Variants in NCCRP1 observed in about 807,000 individuals in gnomAD.
NCCRP1 encodes the protein F-box only protein 50.
In NCCRP1, 32 loss-of-function variants were observed where a neutral mutation model predicts 34.4. The observed-to-expected ratio is 0.93, with a 90% CI of 0.70 to 1.25. The LOEUF (loss-of-function observed/expected upper bound fraction) is 1.25. NCCRP1 is among the 50% of genes most tolerant of loss of function. The pLI, the probability that NCCRP1 is intolerant of heterozygous loss-of-function variation, is 0.00. For synonymous variants in NCCRP1, 172 were observed against 180.1 expected, an observed-to-expected ratio of 0.95 and a Z score of 0.36; for missense variants, 372 against 391.8, an observed-to-expected ratio of 0.95 and a Z score of 0.43.
rs2074786930 is a variant in NCCRP1, at chr19:39,201,197, C to G, written c.*441C>G. 1 of 170,446 alleles carries G rather than the reference C, an allele frequency of 5.9e-6. No individual in the cohort carries two copies. Among genetic ancestry groups the G allele is most frequent in the African/African-American group, 2.4e-5 (1 of 41,786 alleles). 10.6% of individuals were successfully genotyped at this position (170,446 alleles called of 1,614,324 possible). A position where few individuals can be genotyped will look rare whatever the true frequency, so the allele number is the denominator to read the frequency against. On this transcript the variant is annotated 3_prime_UTR_variant, in exon 6 of 6. Coordinates refer to ENST00000339852, the MANE Select transcript of NCCRP1 (RefSeq NM_001001414.2). ...CATTCACTTCACTCAGTTCCTGTCC[C>G]ATTTAACCGCCCCGATCCTTGATCT...
chr19:39,197,400 A>C, intron 1 of NCCRP1, 81 bp downstream of exon 1: 3 of 1,161,496 alleles, frequency 2.6e-6, no homozygotes, highest in South Asian at 1.9e-5. Flanking sequence ...TTATCTCTCT[A>C]CCTCTTTGTC....
rs1289482740 is a variant in NCCRP1 at position 39,200,431 on chromosome 19, C to T, written c.634C>T (p.His212Tyr). The stretch of plus-strand genomic sequence containing the variant: ...CGACCGCCGCACGGTCATTGCTCAG[C>T]ACCACGTGGCCCCCCGAACTTCTGG... ...AADRRTVIAQ[H>Y]HVAPRTSGRG... Residue 212 changes from histidine (H) to tyrosine (Y), a missense_variant, in exon 5 of 6, where the codon CAC (histidine) becomes TAC (tyrosine). Transcript: ENST00000339852. The surrounding 1 kb of genome is among the most constrained non-coding windows in gnomAD (Gnocchi z 5.8). The T allele has an allele frequency of 2.5e-6, 4 of 1,613,470 alleles. No individual in the cohort carries two copies. The South Asian group carries it at 4.4e-5, about 18-fold the overall frequency.
Position 39,200,343 on chromosome 19 carries a change from C to T in NCCRP1, c.549-3C>T. ...CAGCTGAAGGCCTTGACTCCGCCTGCAGGTTCGAGGACAGCCGGCTGGATG... is the reference window on the plus strand; with the variant it reads ...CAGCTGAAGGCCTTGACTCCGCCTGTAGGTTCGAGGACAGCCGGCTGGATG... On this transcript the variant is annotated splice_polypyrimidine_tract_variant and splice_region_variant and intron_variant, in intron 4 of 5. Coordinates refer to ENST00000339852, the MANE Select transcript of NCCRP1 (RefSeq NM_001001414.2). This position sits in a 1 kb window ranked among gnomAD's most constrained non-coding sequence, Gnocchi z 5.8. 6.2e-7 allele frequency: 1 copy of T among 1,613,110 alleles called. No homozygotes were observed.
chr19:39,197,897 C>T (rs1467267816), intron 1 of NCCRP1, among the ~76,000 whole-genome samples, 156 bp from the exon 2 acceptor site: 1 of 152,160 alleles, frequency 6.6e-6, no homozygotes, highest in African/African-American at 2.4e-5. Flanking sequence ...ATTGCCCTCT[C>T]CCCAGCCCAG....
chr19:39,200,877 C>T lies in NCCRP1; in HGVS notation c.*121C>T. 1 of 1,233,314 alleles carries T rather than the reference C, an allele frequency of 8.1e-7. No individual in the cohort carries two copies. The allele number at this position is 1,233,314 out of a possible 1,614,324, so 76.4% of individuals were successfully genotyped here. A position where few individuals can be genotyped will look rare whatever the true frequency, so the allele number is the denominator to read the frequency against. ...CCTTGGCTTCTCACTTGATGGACAG[C>T]TTCACACACCCTTAAGCGGTGGACT... On this transcript the variant is annotated 3_prime_UTR_variant, in exon 6 of 6. Transcript: ENST00000339852. The surrounding 1 kb of genome is among the most constrained non-coding windows in gnomAD (Gnocchi z 5.8).
In NCCRP1 at chr19:39,200,373, C is replaced by T. The variant is rs746154223; in HGVS notation, c.576C>T (p.Cys192=). Residue 192 remains cysteine (C), a synonymous_variant, in exon 5 of 6, where the codon TGC becomes TGT. Coordinates refer to ENST00000339852, the MANE Select transcript of NCCRP1 (RefSeq NM_001001414.2). This position sits in a 1 kb window ranked among gnomAD's most constrained non-coding sequence, Gnocchi z 5.8. ...TCGAGGACAGCCGGCTGGATGCGTG[C>T]GTCTATGAGCTGCATGTCTGGCTGC... ...DWFEDSRLDA[C]VYELHVWLLA... The T allele has an allele frequency of 9.3e-6, 15 of 1,613,756 alleles. No homozygotes were observed. The South Asian group carries it at 9.9e-5, about 11-fold the overall frequency.
chr19:39,198,678 C>T (rs754670919), intron 3 of NCCRP1, among the ~76,000 whole-genome samples: 3 of 152,236 alleles, frequency 2.0e-5, no homozygotes, highest in Middle Eastern at 3.4e-3. Context: ...AGGCTGGTCT[C>T]GAACTCCTCA....
rs2074784379 is a variant in NCCRP1, at chr19:39,200,619, TC to T, written c.694del (p.His232ThrfsTer33). The part of the protein sequence containing the change: ...RGPPGRWVQV[S>X]HVFRHYGPGV... The stretch of plus-strand genomic sequence containing the variant: ...ACCCCAGGTGCTGTCACCACAGGTG[TC>T]CCACGTATTCCGCCATTATGGTCCC... On this transcript the variant is annotated frameshift_variant, in exon 6 of 6. Coordinates refer to ENST00000339852, the MANE Select transcript of NCCRP1 (RefSeq NM_001001414.2). LOFTEE classifies it high-confidence loss of function. The surrounding 1 kb of genome is among the most constrained non-coding windows in gnomAD (Gnocchi z 5.8). 6.2e-7 allele frequency: 1 copy of T among 1,613,878 alleles called. No homozygotes were observed. The highest frequency in any genetic ancestry group is 1.7e-5 in the Admixed American group (1 of 59,976).
In NCCRP1 at chr19:39,197,082, CCGCCGCCGTCGCCGCCACCACTGCCCT is replaced by C. The variant is rs968189354; in HGVS notation, c.113_139del (p.Pro38_Ser46del). On this transcript the variant is annotated inframe_deletion, in exon 1 of 6. Transcript: ENST00000339852. ...GCCTCCCTCGCCACGGTCGCCTTCACCGCCGCCGTCGCCGCCACCACTGCCCTCGCCGCCGTCGCTGCCATCGCCCGC... is the reference window on the plus strand; with the variant it reads ...GCCTCCCTCGCCACGGTCGCCTTCACCGCCGCCGTCGCTGCCATCGCCCGC... The C allele has an allele frequency of 1.6e-5, 25 of 1,529,226 alleles. No homozygotes were observed. Among genetic ancestry groups the C allele is most frequent in the Non-Finnish European group, 1.7e-5 (19 of 1,144,552 alleles). 94.7% of individuals were successfully genotyped at this position (1,529,226 alleles called of 1,614,324 possible).
At chr19:39,199,565 T>A (rs1190825783) in intron 4 of NCCRP1, among the ~76,000 whole-genome samples, 1 of 137,244 alleles carries the variant, frequency 7.3e-6, no homozygotes, top group Non-Finnish European at 1.5e-5. Flanking sequence ...CATGCTGGAC[T>A]GCAGTGGTGC....
intron 4 of NCCRP1, among the ~76,000 whole-genome samples, chr19:39,199,509 C>CTTTTTTTTTTTTTTTTTTTTTTT (rs150534648): frequency 2.5e-4 from 17 of 67,866 alleles, no homozygotes; most frequent in East Asian, 5.6e-4. Context: ...TTTTTTCTTT[C>CTTTTTTTTTTTTTTTTTTTTTTT]TTTTTTTTTT....
chr19:39,198,300 C>T (rs767745635), intron 3 of NCCRP1, 47 bp downstream of exon 3: 2 of 1,595,898 alleles, frequency 1.3e-6, no homozygotes, highest in Non-Finnish European at 1.7e-6. Flanking sequence ...CCCTGCTCCA[C>T]CCTTCCTCAC....
At chr19:39,199,718 G>A (rs2074779824) in intron 4 of NCCRP1, among the ~76,000 whole-genome samples, 3 of 151,686 alleles carry the variant, frequency 2.0e-5, no homozygotes, top group Admixed American at 1.3e-4. Context: ...TCACCATGTT[G>A]CCCAGGCTGG....
At chr19:39,198,342 C>A in intron 3 of NCCRP1, 89 bp downstream of exon 3, 1 of 1,370,626 alleles carries the variant, frequency 7.3e-7, no homozygotes, top group East Asian at 2.3e-5. Flanking sequence ...CTTGGCCTCT[C>A]TGGACCTCCA....
intron 1 of NCCRP1, among the ~76,000 whole-genome samples, chr19:39,197,815 G>T (rs1310001891): frequency 1.3e-5 from 2 of 152,040 alleles, no homozygotes; most frequent in African/African-American, 4.8e-5. Flanking sequence ...CTCTTGGCCT[G>T]TCTCTTTCTC....
At position 39,198,265 on chromosome 19, in the gene NCCRP1, G is replaced by T. The variant is rs770606600; in HGVS notation, c.452+12G>T. 1.9e-6 allele frequency: 3 copies of T among 1,613,936 alleles called. No homozygotes were observed. In the South Asian group the frequency reaches 3.3e-5, roughly 18 times the overall value. ...CAGCAGAACCAAAGGTGAGTCGCCA[G>T]GGCCAGTGTGGCTTACACTCCATTC... is the stretch of plus-strand genomic sequence containing the variant. On this transcript the variant is annotated intron_variant, in intron 3 of 5. Coordinates refer to ENST00000339852, the MANE Select transcript of NCCRP1 (RefSeq NM_001001414.2).
chr19:39,200,193 G>A lies in NCCRP1; in HGVS notation c.549-153G>A, dbSNP rs368412422. ...ATCCCATGTGGCAGGGTGTGGGGCT[G>A]TCTTGGTCACTGCTATGTTGCCAGC... is the stretch of plus-strand genomic sequence containing the variant. On this transcript the variant is annotated intron_variant, in intron 4 of 5. Coordinates refer to ENST00000339852, the MANE Select transcript of NCCRP1 (RefSeq NM_001001414.2). This position sits in a 1 kb window ranked among gnomAD's most constrained non-coding sequence, Gnocchi z 5.8. Among the ~76,000 whole-genome samples the A allele has an allele frequency of 2.3e-4, 35 of 152,330 alleles. 1 individual carries two copies. The East Asian group carries it at 2.7e-3, about 12-fold the overall frequency.
In NCCRP1 at chr19:39,197,329, G is replaced by A. The variant is rs1366565397; in HGVS notation, c.337+10G>A. 1.4e-6 allele frequency: 2 copies of A among 1,433,300 alleles called. No individual in the cohort carries two copies. Among genetic ancestry groups the A allele is most frequent in the Non-Finnish European group, 1.8e-6 (2 of 1,105,552 alleles). The allele number at this position is 1,433,300 out of a possible 1,614,324, so 88.8% of individuals were successfully genotyped here. ...TCGCCCAACCCCGAAGGTGCGCAAG[G>A]GCCCAGAGCAGCCAGGAGGCACCAC... On this transcript the variant is annotated intron_variant, in intron 1 of 5. Transcript: ENST00000339852.
intron 3 of NCCRP1, among the ~76,000 whole-genome samples, chr19:39,198,935 G>C (rs1269504812): frequency 6.6e-6 from 1 of 152,136 alleles, no homozygotes; most frequent in Non-Finnish European, 1.5e-5. Flanking sequence ...CCACATGTTT[G>C]CTGCTTGACC....
Sources: allele counts gnomAD v4.1 joint callset (sites outside exome capture counted in the v4.1 genomes callset), GRCh38; gene constraint gnomAD v4.1.1; non-coding constraint Gnocchi (gnomAD v3.1); transcripts MANE v1.5; gene names NCBI Gene and HGNC (gene_info 2026-07-23, HGNC 2026-07-21).